The following RBFOX2 variants were observed in gnomAD, a reference collection of about 807,000 sequenced individuals.
RBFOX2 encodes RNA binding fox-1 homolog 2, also known as RNA binding protein fox-1 homolog 2.
Under a neutral mutation model 49.1 loss-of-function variants are expected in RBFOX2, and 10 were observed. The ratio of observed to expected loss-of-function variants is 0.20; its 90% CI spans 0.13 to 0.35. The LOEUF is 0.35. RBFOX2 is among the 10% of genes least tolerant of loss of function. The pLI is 1.00. For synonymous variants in RBFOX2, 183 were observed against 187.4 expected (o/e 0.98, Z 0.19); for missense variants, 323 against 486.9 (o/e 0.66, Z 3.17).
chr22:35,940,172 C>T (rs1002602190), upstream of RBFOX2, among the ~76,000 whole-genome samples: 1 of 152,164 alleles, frequency 6.6e-6, no homozygotes, highest in Non-Finnish European at 1.5e-5. Flanking sequence ...AAGCTTACTG[C>T]AGAGACCCTG....
chr22:35,945,197 A>G (rs991373157), intron 1 of RBFOX2, among the ~76,000 whole-genome samples: 1 of 152,208 alleles, frequency 6.6e-6, no homozygotes, highest in Non-Finnish European at 1.5e-5. Context: ...AATGAATTTC[A>G]CATCACCTTG....
chr22:35,987,076 T>C (rs2057756966), intron 1 of RBFOX2, among the ~76,000 whole-genome samples: 1 of 152,204 alleles, frequency 6.6e-6, no homozygotes, highest in Non-Finnish European at 1.5e-5. Context: ...TCCATTTTTG[T>C]TTTTTAGTGA....
intron 1 of RBFOX2, among the ~76,000 whole-genome samples, chr22:35,814,188 G>A (rs1215103853): frequency 1.3e-5 from 2 of 152,206 alleles, no homozygotes; most frequent in Non-Finnish European, 2.9e-5. Context: ...ACATACAGTT[G>A]TCCCTTCATA....
At position 35,809,757 on chromosome 22, in the gene RBFOX2, T is replaced by G. The variant is rs911489978; in HGVS notation, c.252+23A>C. On this transcript the variant is annotated intron_variant, in intron 2 of 11. Transcript: ENST00000405409. The stretch of plus-strand genomic sequence containing the variant: ...ATATGATTGCCATGCATCCTTCCAT[T>G]TTTCACCTCATGGTCCACGTACCGT... 1.9e-6 allele frequency: 3 copies of G among 1,607,642 alleles called. No individual in the cohort carries two copies. In the African/African-American group the frequency reaches 4.0e-5, roughly 22 times the overall value.
chr22:35,775,946 T>A (rs1943821067), intron 4 of RBFOX2, among the ~76,000 whole-genome samples: 1 of 152,088 alleles, frequency 6.6e-6, no homozygotes, highest in African/African-American at 2.4e-5. Context: ...CAATTTCCTT[T>A]GCTTCACAAT....
At chr22:35,808,358 T>C (rs1428477530) in intron 2 of RBFOX2, among the ~76,000 whole-genome samples, 2 of 152,208 alleles carry the variant, frequency 1.3e-5, no homozygotes, top group Non-Finnish European at 2.9e-5. Flanking sequence ...ACATCGAAAG[T>C]AGGAATTTCT....
chr22:35,760,950 C>T (rs962551830), intron 8 of RBFOX2, among the ~76,000 whole-genome samples: 2 of 152,180 alleles, frequency 1.3e-5, no homozygotes, highest in South Asian at 4.1e-4. Context: ...TCGTCAAGTA[C>T]AGACTAAAAT....
intron 3 of RBFOX2, among the ~76,000 whole-genome samples, chr22:35,778,994 C>T (rs1367769796): frequency 6.6e-6 from 1 of 152,166 alleles, no homozygotes; most frequent in Non-Finnish European, 1.5e-5. Context: ...AGGCTACATG[C>T]TATTCACCAC....
At chr22:35,864,362 AATTTAC>A (rs2043435299) in intron 1 of RBFOX2, among the ~76,000 whole-genome samples, 1 of 152,138 alleles carries the variant, frequency 6.6e-6, no homozygotes, top group African/African-American at 2.4e-5. Flanking sequence ...CAATTTAAGG[AATTTAC>A]ATAAGTTACT....
intron 1 of RBFOX2, among the ~76,000 whole-genome samples, chr22:35,932,135 A>C (rs575672175): frequency 6.6e-6 from 1 of 152,168 alleles, no homozygotes; most frequent in Non-Finnish European, 1.5e-5. Flanking sequence ...CATGTCCTCC[A>C]TTCCACCAAC....
At chr22:35,858,286 G>A (rs571542081) in intron 1 of RBFOX2, among the ~76,000 whole-genome samples, 1 of 152,148 alleles carries the variant, frequency 6.6e-6, no homozygotes, top group African/African-American at 2.4e-5. Flanking sequence ...ATTTTGTTTG[G>A]TTTTGGCCTC....
At chr22:35,761,374 C>A (rs767041210) in intron 7 of RBFOX2, 41 bp downstream of exon 8, 45 of 1,608,836 alleles carry the variant, frequency 2.8e-5, no homozygotes, top group Non-Finnish European at 3.7e-5. Flanking sequence ...GATGCTATTA[C>A]AATTAAATAG....
intron 1 of RBFOX2, among the ~76,000 whole-genome samples, chr22:35,814,991 G>A (rs979477459): frequency 2.0e-5 from 3 of 152,232 alleles, no homozygotes; most frequent in South Asian, 2.1e-4. Context: ...TGCAGAACCC[G>A]TGGCTATGGA....
At chr22:35,783,113 A>C (rs750096893) in intron 2 of RBFOX2, among the ~76,000 whole-genome samples, 2 of 152,198 alleles carry the variant, frequency 1.3e-5, no homozygotes, top group Non-Finnish European at 2.9e-5. Context: ...TGAACTAAAC[A>C]ACCTCTTTGA....
chr22:35,814,916 G>A (rs1952720547), intron 1 of RBFOX2, among the ~76,000 whole-genome samples: 1 of 152,008 alleles, frequency 6.6e-6, no homozygotes, highest in African/African-American at 2.4e-5. Flanking sequence ...TACATGTTTA[G>A]TACAGACACA....
At chr22:35,821,755 A>G (rs1954562486) in intron 1 of RBFOX2, 2 of 517,362 alleles carry the variant, frequency 3.9e-6, no homozygotes, top group African/African-American at 3.9e-5. Context: ...TGCTCTGACC[A>G]CCCCCAAGCT....
At chr22:36,012,530 T>C (rs1016705282) in intron 1 of RBFOX2, among the ~76,000 whole-genome samples, 1 of 152,018 alleles carries the variant, frequency 6.6e-6, no homozygotes, top group African/African-American at 2.4e-5. Flanking sequence ...CAGTGAGCTA[T>C]GATCCCACCA....
chr22:35,915,330 G>A (rs1188045288), intron 1 of RBFOX2, among the ~76,000 whole-genome samples: 1 of 152,202 alleles, frequency 6.6e-6, no homozygotes, highest in Non-Finnish European at 1.5e-5. Flanking sequence ...TAAATTAGTT[G>A]AGGCAATGCC....
At chr22:35,945,521 G>C (rs1226191238) in intron 1 of RBFOX2, among the ~76,000 whole-genome samples, 2 of 152,120 alleles carry the variant, frequency 1.3e-5, no homozygotes, top group Non-Finnish European at 2.9e-5. Context: ...GCTCATTGCA[G>C]CCTCGACCTC....
Sources: gnomAD v4.1 joint callset for allele counts (sites outside exome capture counted in the v4.1 genomes callset) on GRCh38, gnomAD v4.1.1 for gene constraint, MANE v1.5 for transcripts, NCBI Gene and HGNC (gene_info 2026-07-23, HGNC 2026-07-21) for gene names.